The following TSPAN12 variants were observed in gnomAD, a reference collection of about 807,000 sequenced individuals.
TSPAN12 encodes the protein tetraspanin-12.
Under a neutral mutation model 39.2 loss-of-function variants are expected in TSPAN12, and 19 were observed. The observed-to-expected ratio is 0.49, with a 90% CI of 0.34 to 0.71. The LOEUF (loss-of-function observed/expected upper bound fraction) is 0.71, where lower values mean the gene tolerates loss of function less well. Among genes scored for constraint, TSPAN12 ranks in the 30% least tolerant of loss-of-function variants. The pLI is 0.01. For missense variants in TSPAN12, 314 were observed against 359.9 expected, an observed-to-expected ratio of 0.87 and a Z score of 1.03; for synonymous variants, 119 against 124.8, an observed-to-expected ratio of 0.95 and a Z score of 0.31.
Position 120,840,118 on chromosome 7 carries a change from A to T in TSPAN12, c.67-9T>A. The T allele has an allele frequency of 1.2e-6, 2 of 1,603,494 alleles. No individual in the cohort carries two copies. Among genetic ancestry groups the T allele is most frequent in the Non-Finnish European group, 1.7e-6 (2 of 1,170,594 alleles). On this transcript the variant is annotated splice_polypyrimidine_tract_variant and intron_variant, in intron 2 of 7. Coordinates refer to ENST00000222747, the MANE Select transcript of TSPAN12 (RefSeq NM_012338.4). ...ACACTGATGGACATTAACTGGGGAGAAAAAAGTACAAACCGGTTACCAAAG... is the reference window on the plus strand; with the variant it reads ...ACACTGATGGACATTAACTGGGGAGTAAAAAGTACAAACCGGTTACCAAAG...
rs771260400 is a variant in TSPAN12, at chr7:120,810,502, A to G, written c.429T>C (p.Tyr143=). 1.2e-6 allele frequency: 2 copies of G among 1,613,954 alleles called. No individual in the cohort carries two copies. Among genetic ancestry groups the G allele is most frequent in the Non-Finnish European group, 1.7e-6 (2 of 1,179,908 alleles). The change falls in exon 6 of 8, where the codon TAT becomes TAC. Residue 143 remains tyrosine (Y), a synonymous_variant. Transcript: ENST00000222747. Reference sequence around the variant, plus strand: ...AATTCCAAGCATGAGTAAGCCACCGATATCTAGGTAATCCATAATTTGTCA... The same window carrying G: ...AATTCCAAGCATGAGTAAGCCACCGGTATCTAGGTAATCCATAATTTGTCA... ...ARMTNYGLPR[Y]RWLTHAWNFF... is the part of the protein sequence containing the mutation.
At chr7:120,815,870 T>G (rs1794070867) in intron 4 of TSPAN12, 67 bp from the exon 5 acceptor site, 2 of 1,409,494 alleles carry the variant, frequency 1.4e-6, no homozygotes, top group African/African-American at 2.8e-5. Context: ...AAGACAGACT[T>G]GGTATTATGT....
intron 7 of TSPAN12, among the ~76,000 whole-genome samples, chr7:120,805,002 T>C (rs1391717202): frequency 6.6e-6 from 1 of 152,108 alleles, no homozygotes; most frequent in Non-Finnish European, 1.5e-5. Flanking sequence ...ACCTTAATCT[T>C]GGAGTTAGCC....
intron 7 of TSPAN12, among the ~76,000 whole-genome samples, chr7:120,791,872 A>G (rs957069959): frequency 1.3e-5 from 2 of 151,930 alleles, no homozygotes; most frequent in African/African-American, 4.8e-5. Flanking sequence ...AATTCAACTT[A>G]TTATCTTTTA....
At chr7:120,849,644 T>C (rs1161806868) in intron 2 of TSPAN12, among the ~76,000 whole-genome samples, 2 of 152,242 alleles carry the variant, frequency 1.3e-5, no homozygotes, top group African/African-American at 4.8e-5. Context: ...TTTGTCTGTA[T>C]AGAAAAGGAC....
At chr7:120,812,575 G>GT (rs1052794087) in intron 5 of TSPAN12, among the ~76,000 whole-genome samples, 3 of 152,002 alleles carry the variant, frequency 2.0e-5, no homozygotes, top group Non-Finnish European at 4.4e-5. Context: ...GAAAATCTTC[G>GT]TTTTTTTCTT....
At chr7:120,792,653 T>C (rs1489692617) in intron 7 of TSPAN12, among the ~76,000 whole-genome samples, 1 of 152,208 alleles carries the variant, frequency 6.6e-6, no homozygotes, top group Non-Finnish European at 1.5e-5. Flanking sequence ...GTTCATTCAT[T>C]AACTGACCAC....
chr7:120,797,491 T>G (rs1291612515), intron 7 of TSPAN12, among the ~76,000 whole-genome samples: 2 of 152,258 alleles, frequency 1.3e-5, no homozygotes, highest in Non-Finnish European at 2.9e-5. Flanking sequence ...GCCATTGTAT[T>G]TTGAGTTAGC....
chr7:120,818,929 C>T (rs771399925), intron 4 of TSPAN12, among the ~76,000 whole-genome samples: 1 of 152,034 alleles, frequency 6.6e-6, no homozygotes, highest in Non-Finnish European at 1.5e-5. Flanking sequence ...TTCTTTAATG[C>T]TTTACTTAAG....
At chr7:120,808,271 T>C (rs921819841) in intron 6 of TSPAN12, among the ~76,000 whole-genome samples, 3 of 152,176 alleles carry the variant, frequency 2.0e-5, no homozygotes, top group African/African-American at 7.2e-5. Context: ...TCATTATAAG[T>C]ATACGATGCT....
chr7:120,808,527 G>T (rs1035465192), intron 6 of TSPAN12, among the ~76,000 whole-genome samples: 2 of 152,134 alleles, frequency 1.3e-5, no homozygotes, highest in African/African-American at 4.8e-5. Context: ...TTTTACATAT[G>T]AGTAAACTGA....
chr7:120,854,646 T>C (rs1054720203), intron 2 of TSPAN12, among the ~76,000 whole-genome samples: 1 of 152,188 alleles, frequency 6.6e-6, no homozygotes, highest in Non-Finnish European at 1.5e-5. Flanking sequence ...CACATACTTT[T>C]TTACATAGCA....
chr7:120,791,812 A>G (rs753765940), intron 7 of TSPAN12, among the ~76,000 whole-genome samples: 2 of 152,128 alleles, frequency 1.3e-5, no homozygotes, highest in Non-Finnish European at 2.9e-5. Context: ...GGGGAATGAG[A>G]CCTATTAATA....
intron 2 of TSPAN12, among the ~76,000 whole-genome samples, chr7:120,855,689 A>T (rs1428372264): frequency 6.6e-6 from 1 of 152,204 alleles, no homozygotes; most frequent in African/African-American, 2.4e-5. Context: ...AGTAAGACTT[A>T]ATTTATCCTT....
At chr7:120,795,019 G>C (rs986910620) in intron 7 of TSPAN12, among the ~76,000 whole-genome samples, 3 of 152,124 alleles carry the variant, frequency 2.0e-5, no homozygotes, top group Admixed American at 1.3e-4. Flanking sequence ...ACATAGATGT[G>C]TTTATATGTA....
intron 7 of TSPAN12, among the ~76,000 whole-genome samples, chr7:120,796,290 A>G (rs1256654581): frequency 6.6e-6 from 1 of 152,214 alleles, no homozygotes; most frequent in Non-Finnish European, 1.5e-5. Context: ...CCAAGTCCCA[A>G]AAACTTTGAC....
chr7:120,810,153 G>C (rs1304229274), intron 6 of TSPAN12, among the ~76,000 whole-genome samples: 1 of 152,048 alleles, frequency 6.6e-6, no homozygotes, highest in Non-Finnish European at 1.5e-5. Flanking sequence ...TATTTGTCTG[G>C]AACTTGGATA....
At chr7:120,825,586 A>G (rs1794270721) in intron 4 of TSPAN12, among the ~76,000 whole-genome samples, 1 of 152,188 alleles carries the variant, frequency 6.6e-6, no homozygotes, top group Non-Finnish European at 1.5e-5. Flanking sequence ...TATCCTGTCA[A>G]ATACTAAACT....
intron 2 of TSPAN12, among the ~76,000 whole-genome samples, chr7:120,852,210 G>C (rs1334609175): frequency 6.6e-6 from 1 of 151,836 alleles, no homozygotes; most frequent in Non-Finnish European, 1.5e-5. Context: ...TAAAATCCTA[G>C]TGGGGTAGAA....
Sources: gnomAD v4.1 joint callset for allele counts (sites outside exome capture counted in the v4.1 genomes callset) on GRCh38, gnomAD v4.1.1 for gene constraint, MANE v1.5 for transcripts, NCBI Gene and HGNC (gene_info 2026-07-23, HGNC 2026-07-21) for gene names.